The following HPSE2 variants were observed in gnomAD, a reference collection of about 807,000 sequenced individuals.
HPSE2 encodes heparanase 2 (inactive), also known as inactive heparanase-2.
Under a neutral mutation model 60.5 loss-of-function variants are expected in HPSE2, and 38 were observed. The ratio of observed to expected loss-of-function variants is 0.63; its 90% CI spans 0.48 to 0.82. The LOEUF (loss-of-function observed/expected upper bound fraction) is 0.82. HPSE2 is among the 40% of genes least tolerant of loss of function. The pLI is 0.00. For missense variants in HPSE2, 713 were observed against 740.4 expected, an observed-to-expected ratio of 0.96 and a Z score of 0.43; for synonymous variants, 295 against 293.2, an observed-to-expected ratio of 1.01 and a Z score of -0.06.
chr10:99,185,348 T>G (rs1847963986), intron 2 of HPSE2, among the ~76,000 whole-genome samples: 1 of 151,436 alleles, frequency 6.6e-6, no homozygotes, highest in Admixed American at 6.6e-5. Flanking sequence ...AAATGAAAAC[T>G]ATAAACCCAG....
intron 9 of HPSE2, among the ~76,000 whole-genome samples, chr10:98,585,893 G>T (rs546763955): frequency 2.0e-5 from 3 of 148,546 alleles, no homozygotes; most frequent in African/African-American, 7.4e-5. Flanking sequence ...CAGAGGTTTT[G>T]GTGAGCTGAG....
intron 11 of HPSE2, among the ~76,000 whole-genome samples, chr10:98,475,203 C>T (rs556946871): frequency 4.0e-5 from 6 of 151,750 alleles, no homozygotes; most frequent in South Asian, 2.1e-4. Context: ...CTGCAACCTC[C>T]GCCTCCTGGG....
At chr10:98,914,464 G>A (rs778902327) in intron 3 of HPSE2, among the ~76,000 whole-genome samples, 54 of 151,606 alleles carry the variant, frequency 3.6e-4, no homozygotes, top group African/African-American at 6.8e-4. Context: ...TTTAGTATCC[G>A]TTGGGGCATT....
At chr10:98,892,390 A>G (rs1357063523) in intron 3 of HPSE2, among the ~76,000 whole-genome samples, 1 of 152,216 alleles carries the variant, frequency 6.6e-6, no homozygotes, top group Non-Finnish European at 1.5e-5. Context: ...ATTTGAATAA[A>G]TATTCTTTAA....
chr10:99,134,894 A>G (rs1011241129), intron 3 of HPSE2, among the ~76,000 whole-genome samples: 3 of 152,088 alleles, frequency 2.0e-5, no homozygotes, highest in Non-Finnish European at 4.4e-5. Context: ...AACAGACTAA[A>G]TGCCCCAATT....
intron 3 of HPSE2, among the ~76,000 whole-genome samples, chr10:98,745,596 C>T (rs1375963578): frequency 6.6e-6 from 1 of 152,180 alleles, no homozygotes; most frequent in Non-Finnish European, 1.5e-5. Context: ...TGTTAGAGAA[C>T]TCCTTGCCCC....
intron 6 of HPSE2, among the ~76,000 whole-genome samples, chr10:98,677,021 T>C (rs537642108): frequency 1.3e-5 from 2 of 152,210 alleles, no homozygotes; most frequent in East Asian, 3.9e-4. Context: ...CATAGTTCTG[T>C]CTGGGGCCCA....
chr10:98,641,601 TAA>T (rs149789116), intron 7 of HPSE2, among the ~76,000 whole-genome samples: 1 of 148,568 alleles, frequency 6.7e-6, no homozygotes, highest in Non-Finnish European at 1.5e-5. Context: ...AAAAATTAAT[TAA>T]AAAAAAAATA....
intron 2 of HPSE2, among the ~76,000 whole-genome samples, chr10:99,167,699 T>C (rs1031144975): frequency 1.3e-5 from 2 of 152,240 alleles, no homozygotes; most frequent in African/African-American, 4.8e-5. Flanking sequence ...TTTATAAAAC[T>C]GTTTTACTTA....
chr10:98,707,222 A>G (rs1356541059), intron 5 of HPSE2, among the ~76,000 whole-genome samples: 1 of 152,232 alleles, frequency 6.6e-6, no homozygotes, highest in Non-Finnish European at 1.5e-5. Context: ...AGGACTTTCA[A>G]TGCCACTGCT....
chr10:99,186,125 C>CACACACACACACACACAT (rs1564879549), intron 2 of HPSE2, among the ~76,000 whole-genome samples: 25 of 147,274 alleles, frequency 1.7e-4, no homozygotes, highest in Middle Eastern at 3.4e-3. Flanking sequence ...CACACACACA[C>CACACACACACACACACAT]ACACACACAC....
intron 3 of HPSE2, among the ~76,000 whole-genome samples, chr10:98,985,035 A>G (rs1011871136): frequency 6.6e-5 from 10 of 152,202 alleles, no homozygotes; most frequent in South Asian, 6.2e-4. Flanking sequence ...TGAAAGTGAC[A>G]GGGAGAATGG....
chr10:98,662,127 T>C (rs1947241174), intron 6 of HPSE2, among the ~76,000 whole-genome samples: 1 of 152,152 alleles, frequency 6.6e-6, no homozygotes, highest in Admixed American at 6.5e-5. Context: ...TCTCCTGACC[T>C]CATGATCTGC....
At chr10:98,878,809 G>A (rs1278028228) in intron 3 of HPSE2, among the ~76,000 whole-genome samples, 2 of 151,916 alleles carry the variant, frequency 1.3e-5, no homozygotes, top group Admixed American at 6.6e-5. Context: ...AGAATGAGTT[G>A]GAATGGGCTA....
intron 11 of HPSE2, among the ~76,000 whole-genome samples, chr10:98,471,063 T>G (rs1940760297): frequency 6.6e-6 from 1 of 152,184 alleles, no homozygotes; most frequent in Non-Finnish European, 1.5e-5. Flanking sequence ...ATAAAACCTT[T>G]GAGAAGCCAG....
chr10:98,841,463 T>C (rs1175459560), intron 3 of HPSE2, among the ~76,000 whole-genome samples: 2 of 152,236 alleles, frequency 1.3e-5, no homozygotes, highest in African/African-American at 4.8e-5. Flanking sequence ...TATTTGTATT[T>C]AGCTTTATTA....
intron 3 of HPSE2, among the ~76,000 whole-genome samples, chr10:99,136,690 C>G (rs986840224): frequency 6.6e-6 from 1 of 151,442 alleles, no homozygotes; most frequent in African/African-American, 2.4e-5. Flanking sequence ...AAATTCAACA[C>G]CCCTTCATGC....
At chr10:98,653,207 C>T (rs896050665) in intron 6 of HPSE2, among the ~76,000 whole-genome samples, 3 of 152,100 alleles carry the variant, frequency 2.0e-5, no homozygotes, top group Non-Finnish European at 4.4e-5. Context: ...GCATGGTGTA[C>T]TTCTCTCTTT....
At chr10:98,774,731 G>A (rs1456977271) in intron 3 of HPSE2, among the ~76,000 whole-genome samples, 3 of 152,166 alleles carry the variant, frequency 2.0e-5, no homozygotes, top group Non-Finnish European at 2.9e-5. Context: ...TTAAGTAACC[G>A]GTACTGGCAG....
Sources: allele counts gnomAD v4.1 joint callset (sites outside exome capture counted in the v4.1 genomes callset), GRCh38; gene constraint gnomAD v4.1.1; transcripts MANE v1.5; gene names NCBI Gene and HGNC (gene_info 2026-07-23, HGNC 2026-07-21).